PEBP4: variants seen among roughly 807,000 people sequenced by gnomAD.
PEBP4 encodes phosphatidylethanolamine binding protein 4, also known as phosphatidylethanolamine-binding protein 4.
In PEBP4, 22 loss-of-function variants were observed where a neutral mutation model predicts 23.9. That is an observed-to-expected ratio of 0.92 (90% CI 0.66 to 1.31). PEBP4 has a LOEUF of 1.31. PEBP4 is among the 40% of genes most tolerant of loss of function. The probability of loss-of-function intolerance (pLI) is 0.00; values close to 1 mark genes in which losing one functional copy is unlikely to be tolerated. For missense variants in PEBP4, 324 were observed against 281.7 expected, an observed-to-expected ratio of 1.15 and a Z score of -1.07; for synonymous variants, 112 against 99.3, an observed-to-expected ratio of 1.13 and a Z score of -0.76.
intron 6 of PEBP4, among the ~76,000 whole-genome samples, chr8:22,714,714 C>A (rs1173217591): frequency 6.6e-6 from 1 of 152,024 alleles, no homozygotes; most frequent in Non-Finnish European, 1.5e-5. Flanking sequence ...CTCAGAACCC[C>A]ACTTGAGACT....
intron 3 of PEBP4, among the ~76,000 whole-genome samples, chr8:22,908,453 G>A (rs1808864805): frequency 6.6e-6 from 1 of 152,102 alleles, no homozygotes; most frequent in African/African-American, 2.4e-5. Context: ...CTGCTGATGG[G>A]TCAAGAAAGA....
intron 4 of PEBP4, among the ~76,000 whole-genome samples, chr8:22,774,768 G>A (rs1350740069): frequency 6.6e-6 from 1 of 152,170 alleles, no homozygotes; most frequent in East Asian, 1.9e-4. Context: ...CCATCCCCGA[G>A]GCTGTCCTGA....
At chr8:22,853,342 CAG>C (rs1286521426) in intron 3 of PEBP4, among the ~76,000 whole-genome samples, 1 of 152,168 alleles carries the variant, frequency 6.6e-6, no homozygotes, top group Non-Finnish European at 1.5e-5. Flanking sequence ...CTCCAGGTCA[CAG>C]AGGTGGGATA....
intron 4 of PEBP4, among the ~76,000 whole-genome samples, chr8:22,785,886 T>C (rs892317014): frequency 6.6e-6 from 1 of 152,202 alleles, no homozygotes; most frequent in South Asian, 2.1e-4. Context: ...CTCTAAAGAA[T>C]GCAGGTTTAA....
chr8:22,903,420 A>C (rs1022326990), intron 3 of PEBP4, among the ~76,000 whole-genome samples: 1 of 152,230 alleles, frequency 6.6e-6, no homozygotes, highest in African/African-American at 2.4e-5. Context: ...AAACAAAATA[A>C]TTGGGCAAAG....
At chr8:22,819,054 G>T (rs1275328785) in intron 3 of PEBP4, among the ~76,000 whole-genome samples, 3 of 152,224 alleles carry the variant, frequency 2.0e-5, no homozygotes, top group Non-Finnish European at 4.4e-5. Context: ...ATGCATGTCG[G>T]TCTGTAATTC....
At chr8:22,908,795 C>A (rs1169616617) in intron 3 of PEBP4, among the ~76,000 whole-genome samples, 1 of 152,210 alleles carries the variant, frequency 6.6e-6, no homozygotes, top group Non-Finnish European at 1.5e-5. Context: ...TTTTTAAAAT[C>A]TTCTCAATCC....
intron 3 of PEBP4, among the ~76,000 whole-genome samples, chr8:22,883,172 A>G (rs763378096): frequency 1.3e-5 from 2 of 152,032 alleles, no homozygotes; most frequent in Non-Finnish European, 2.9e-5. Flanking sequence ...AGGGATTATG[A>G]TGCTTGCTTA....
rs117474254 is a variant in PEBP4 at position 22,915,724 on chromosome 8, C to T, written c.258+4460G>A. Among the ~76,000 whole-genome samples the T allele has an allele frequency of 7.2e-5, 11 of 152,318 alleles. No homozygotes were observed. The East Asian group carries it at 7.7e-4, about 11-fold the overall frequency. ...TAGGAGAGGAGACTCCACATGTAGT[C>T]TACTGGAAGACGTCTCTGCTCCATC... On this transcript the variant is annotated intron_variant, in intron 3 of 6. Transcript: ENST00000256404.
At chr8:22,737,636 C>T (rs1226807262) in intron 4 of PEBP4, among the ~76,000 whole-genome samples, 1 of 152,188 alleles carries the variant, frequency 6.6e-6, no homozygotes, top group African/African-American at 2.4e-5. Context: ...GTTAAAGCAG[C>T]CTCAGTCAAT....
Position 22,817,689 on chromosome 8 carries a change from CTGCT to C in PEBP4, c.301_304del (p.Ser101GlufsTer14). 2 of 1,614,206 alleles carry C rather than the reference CTGCT, an allele frequency of 1.2e-6. No homozygotes were observed. The highest frequency in any genetic ancestry group is 1.7e-6 in the Non-Finnish European group (2 of 1,180,036). ...CCAGAATCTCTGTCTGGGTTCTGCTCTGCTAGGGGCATCTGGATCCACCATCACC... is the reference window on the plus strand; with the variant it reads ...CCAGAATCTCTGTCTGGGTTCTGCTCAGGGGCATCTGGATCCACCATCACC... On this transcript the variant is annotated frameshift_variant, in exon 4 of 7. Coordinates refer to ENST00000256404, the MANE Select transcript of PEBP4 (RefSeq NM_144962.3). LOFTEE classifies it high-confidence loss of function.
intron 3 of PEBP4, among the ~76,000 whole-genome samples, chr8:22,846,161 A>T (rs577252231): frequency 2.2e-4 from 34 of 152,306 alleles, no homozygotes; most frequent in African/African-American, 8.2e-4. Flanking sequence ...GTGTGCACAG[A>T]TCAGGGCATC....
chr8:22,895,612 A>G (rs1187765116), intron 3 of PEBP4: 1 of 142,470 alleles, frequency 7.0e-6, no homozygotes, highest in Non-Finnish European at 1.6e-5. Flanking sequence ...TATCTCTTCA[A>G]ATAGTTCTAC....
rs374577751 is a variant in PEBP4 at position 22,903,124 on chromosome 8, G to A, written c.258+17060C>T. ...CCTTCTACTCCCATAGCTTAAGCAA[G>A]AAGAATCACCCCGGAAACCGCGAAA... is the stretch of plus-strand genomic sequence containing the variant. On this transcript the variant is annotated intron_variant, in intron 3 of 6. Coordinates refer to ENST00000256404, the MANE Select transcript of PEBP4 (RefSeq NM_144962.3). Among the ~76,000 whole-genome samples, 48 of 152,276 alleles carry A rather than the reference G, an allele frequency of 3.2e-4. No individual in the cohort carries two copies. In the South Asian group the frequency reaches 9.7e-3, roughly 31 times the overall value.
intron 4 of PEBP4, among the ~76,000 whole-genome samples, chr8:22,808,665 G>A (rs141971801): frequency 4.6e-5 from 7 of 152,268 alleles, no homozygotes; most frequent in East Asian, 1.9e-4. Flanking sequence ...GTTGCCTCAC[G>A]GAGATGAGGA....
At chr8:22,785,447 C>A (rs1388048142) in intron 4 of PEBP4, among the ~76,000 whole-genome samples, 2 of 152,170 alleles carry the variant, frequency 1.3e-5, no homozygotes, top group Admixed American at 1.3e-4. Context: ...TGTGTCCTCT[C>A]GGAGACGCCC....
In PEBP4 at chr8:22,713,285, G is replaced by C; in HGVS notation, c.*85C>G. 1 of 1,464,396 alleles carries C rather than the reference G, an allele frequency of 6.8e-7. No individual in the cohort carries two copies. Among genetic ancestry groups the C allele is most frequent in the Non-Finnish European group, 9.0e-7 (1 of 1,107,322 alleles). The allele number at this position is 1,464,396 out of a possible 1,614,324, so 90.7% of individuals were successfully genotyped here. On this transcript the variant is annotated 3_prime_UTR_variant, in exon 7 of 7. Coordinates refer to ENST00000256404, the MANE Select transcript of PEBP4 (RefSeq NM_144962.3). ...ATTTTTTTTTTATTTGGAAAAGAAG[G>C]GGTTCTGTATCCAGAGGGGGTTCCA...
intron 4 of PEBP4, among the ~76,000 whole-genome samples, chr8:22,744,350 C>T (rs568861501): frequency 6.6e-6 from 1 of 152,282 alleles, no homozygotes; most frequent in South Asian, 2.1e-4. Context: ...CTAGAACTGC[C>T]TAACTGTGGT....
At chr8:22,789,205 G>A (rs1464641375) in intron 4 of PEBP4, among the ~76,000 whole-genome samples, 1 of 152,162 alleles carries the variant, frequency 6.6e-6, no homozygotes, top group Non-Finnish European at 1.5e-5. Context: ...TATACACTAA[G>A]TGTGTTCACA....
Sources: gnomAD v4.1 joint callset for allele counts (sites outside exome capture counted in the v4.1 genomes callset) on GRCh38, gnomAD v4.1.1 for gene constraint, MANE v1.5 for transcripts, NCBI Gene and HGNC (gene_info 2026-07-23, HGNC 2026-07-21) for gene names.